TRIM44: variants seen among roughly 807,000 people sequenced by gnomAD.
TRIM44 encodes the protein tripartite motif containing 44.
In TRIM44, 13 loss-of-function variants were observed where a neutral mutation model predicts 37.4. That is an observed-to-expected ratio of 0.35 (90% CI 0.23 to 0.55). The LOEUF (loss-of-function observed/expected upper bound fraction) is 0.55. TRIM44 is among the 20% of genes least tolerant of loss of function. The pLI, the probability that TRIM44 is intolerant of heterozygous loss-of-function variation, is 0.89. For synonymous variants in TRIM44, 175 were observed against 157.2 expected, an observed-to-expected ratio of 1.11 and a Z score of -0.85; for missense variants, 426 against 437.2, an observed-to-expected ratio of 0.97 and a Z score of 0.23.
At chr11:35,710,698 A>C (rs557973060) in intron 2 of TRIM44, among the ~76,000 whole-genome samples, 172 of 152,220 alleles carry the variant, frequency 1.1e-3, no homozygotes, top group Non-Finnish European at 2.2e-3. Flanking sequence ...TCTTCCTGGT[A>C]TAGAGAGGGA....
intron 2 of TRIM44, among the ~76,000 whole-genome samples, chr11:35,685,765 G>A (rs1210483554): frequency 6.6e-6 from 1 of 152,162 alleles, no homozygotes; most frequent in East Asian, 1.9e-4. Context: ...CCGGGTCCAA[G>A]CCATTCTCCT....
chr11:35,707,468 C>T (rs557556200), intron 2 of TRIM44, among the ~76,000 whole-genome samples: 3 of 152,226 alleles, frequency 2.0e-5, no homozygotes, highest in African/African-American at 7.2e-5. Context: ...CAATTGTAAG[C>T]CAAAAGGAAA....
intron 1 of TRIM44, among the ~76,000 whole-genome samples, chr11:35,678,587 C>T (rs913074966): frequency 1.3e-5 from 2 of 151,712 alleles, no homozygotes; most frequent in Admixed American, 6.6e-5. Flanking sequence ...ACTTCCTCTC[C>T]CCTCCCTCTC....
chr11:35,687,465 A>C (rs561348476), intron 2 of TRIM44, among the ~76,000 whole-genome samples: 16 of 152,354 alleles, frequency 1.1e-4, no homozygotes, highest in African/African-American at 3.8e-4. Flanking sequence ...TGAACCACTT[A>C]TTAAAAGTTA....
chr11:35,708,991 C>A (rs867708608), intron 2 of TRIM44, among the ~76,000 whole-genome samples: 6 of 149,556 alleles, frequency 4.0e-5, no homozygotes, highest in Middle Eastern at 3.4e-3. Context: ...TGCCCCCCCC[C>A]CAAAAAAAAA....
At chr11:35,753,683 A>T (rs3110371) in intron 4 of TRIM44, among the ~76,000 whole-genome samples, 4,054 of 152,192 alleles carry the variant, frequency 0.027, 137 homozygotes, top group African/African-American at 0.077. Context: ...CTGAAACCAG[A>T]TCTATCCTAA....
chr11:35,791,922 T>C (rs910742755), intron 4 of TRIM44, among the ~76,000 whole-genome samples: 13 of 152,164 alleles, frequency 8.5e-5, no homozygotes, highest in Non-Finnish European at 1.6e-4. Context: ...GCCACTGACT[T>C]CAGGAGGGGA....
chr11:35,668,685 T>C (rs1283763290), intron 1 of TRIM44, among the ~76,000 whole-genome samples: 5 of 152,250 alleles, frequency 3.3e-5, no homozygotes, highest in African/African-American at 1.2e-4. Context: ...CACGTGCGTG[T>C]ATCTGTGTAA....
intron 4 of TRIM44, among the ~76,000 whole-genome samples, chr11:35,793,884 T>A (rs901346740): frequency 6.6e-6 from 1 of 152,210 alleles, no homozygotes; most frequent in African/African-American, 2.4e-5. Context: ...GGAGTGTTAA[T>A]GCTGTTACAC....
chr11:35,793,044 G>A (rs1205801915), intron 4 of TRIM44, among the ~76,000 whole-genome samples: 1 of 152,006 alleles, frequency 6.6e-6, no homozygotes, highest in Non-Finnish European at 1.5e-5. Context: ...GGTTTTGGTG[G>A]CAGGCCCTTT....
intron 4 of TRIM44, among the ~76,000 whole-genome samples, chr11:35,785,360 A>G (rs1853117872): frequency 6.6e-6 from 1 of 152,266 alleles, no homozygotes; most frequent in Admixed American, 6.5e-5. Context: ...CTGGGGCAAG[A>G]ATAGCCTTGC....
At chr11:35,787,472 G>A (rs1853144661) in intron 4 of TRIM44, among the ~76,000 whole-genome samples, 2 of 152,252 alleles carry the variant, frequency 1.3e-5, no homozygotes, top group African/African-American at 2.4e-5. Flanking sequence ...TCCACAGCCT[G>A]TGACCTGGGG....
Position 35,685,431 on chromosome 11 carries a change from A to G in TRIM44, c.747+95A>G. 4 of 1,000,070 alleles carry G rather than the reference A, an allele frequency of 4.0e-6. No homozygotes were observed. In the South Asian group the frequency reaches 4.3e-5, roughly 11 times the overall value. The allele number at this position is 1,000,070 out of a possible 1,614,324, so 61.9% of individuals were successfully genotyped here. ...GAGGTGTTGATGATCATCTCTCTGA[A>G]TATTGCATTAAGATTTAATTAAGCC... On this transcript the variant is annotated intron_variant, in intron 2 of 4. Transcript: ENST00000299413.
intron 4 of TRIM44, among the ~76,000 whole-genome samples, chr11:35,786,654 A>G (rs546821755): frequency 2.6e-5 from 4 of 152,354 alleles, no homozygotes; most frequent in African/African-American, 9.6e-5. Flanking sequence ...TCTGTAAAAC[A>G]GAGAATCATA....
chr11:35,764,420 G>A (rs373849586), intron 4 of TRIM44, among the ~76,000 whole-genome samples: 13 of 152,026 alleles, frequency 8.6e-5, no homozygotes, highest in Admixed American at 3.9e-4. Context: ...TAATTTAGTC[G>A]GAGAGGCGGC....
chr11:35,739,527 T>C (rs868562599), intron 4 of TRIM44, among the ~76,000 whole-genome samples: 26 of 152,300 alleles, frequency 1.7e-4, no homozygotes, highest in African/African-American at 6.3e-4. Context: ...TGCTTTGACA[T>C]TGAATTGCTG....
In TRIM44 at chr11:35,810,458, C is replaced by T. The variant is rs931758693; in HGVS notation, c.*4073C>T. 2.0e-5 allele frequency: 3 copies of T among 152,144 alleles called. No individual in the cohort carries two copies. Among genetic ancestry groups the T allele is most frequent in the Non-Finnish European group, 4.4e-5 (3 of 68,020 alleles). The allele number at this position is 152,144 out of a possible 1,614,324, so 9.4% of individuals were successfully genotyped here. A position where few individuals can be genotyped will look rare whatever the true frequency, so the allele number is the denominator to read the frequency against. On this transcript the variant is annotated 3_prime_UTR_variant, in exon 5 of 5. Coordinates refer to ENST00000299413, the MANE Select transcript of TRIM44 (RefSeq NM_017583.6). ...AGGCCCATATGGGAGACTTCAGTCTCATTATTATTGCCTTTATCCAGCAGT... is the reference window on the plus strand; with the variant it reads ...AGGCCCATATGGGAGACTTCAGTCTTATTATTATTGCCTTTATCCAGCAGT...
At chr11:35,732,094 A>G (rs1852268558) in intron 3 of TRIM44, among the ~76,000 whole-genome samples, 2 of 152,208 alleles carry the variant, frequency 1.3e-5, no homozygotes, top group African/African-American at 4.8e-5. Flanking sequence ...ATTGACAACA[A>G]TTTTTAAGTA....
intron 2 of TRIM44, among the ~76,000 whole-genome samples, chr11:35,719,072 A>G (rs1333425850): frequency 6.6e-6 from 1 of 152,106 alleles, no homozygotes; most frequent in African/African-American, 2.4e-5. Flanking sequence ...ATGTGGATGT[A>G]AGTTTTCAAC....
Sources: gnomAD v4.1 joint callset for allele counts (sites outside exome capture counted in the v4.1 genomes callset) on GRCh38, gnomAD v4.1.1 for gene constraint, MANE v1.5 for transcripts, NCBI Gene and HGNC (gene_info 2026-07-23, HGNC 2026-07-21) for gene names.